KIF20B: variants seen among roughly 807,000 people sequenced by gnomAD.
The protein encoded by KIF20B is kinesin-like protein KIF20B.
In KIF20B, 188 loss-of-function variants were observed where a neutral mutation model predicts 232.5. The ratio of observed to expected loss-of-function variants is 0.81; its 90% confidence interval spans 0.72 to 0.91. The LOEUF (loss-of-function observed/expected upper bound fraction) is 0.91. Among genes scored for constraint, KIF20B ranks in the 40% least tolerant of loss-of-function variants. The probability of loss-of-function intolerance (pLI) is 0.00; values close to 1 mark genes in which losing one functional copy is unlikely to be tolerated. For synonymous variants in KIF20B, 712 were observed against 683.0 expected, an observed-to-expected ratio of 1.04 and a Z score of -0.66; for missense variants, 2,154 against 2,055.9, an observed-to-expected ratio of 1.05 and a Z score of -0.92.
intron 32 of KIF20B, 81 bp downstream of exon 32, chr10:89,772,912 C>A (rs1842494467): frequency 2.4e-6 from 3 of 1,230,104 alleles, no homozygotes; most frequent in South Asian, 1.8e-5. Context: ...AATTTCAATT[C>A]TTTAGATCTC....
chr10:89,737,663 A>G lies in KIF20B; in HGVS notation c.2822A>G (p.Asp941Gly), dbSNP rs1311512445. The G allele has an allele frequency of 2.5e-6, 4 of 1,612,592 alleles. No individual in the cohort carries two copies. The East Asian group carries it at 6.7e-5, about 27-fold the overall frequency. Reference sequence around the variant, plus strand: ...GTCCAACAAATTCAGTCAAATTATGATATTGCAATTGCTGAATTACATGTG... The same window carrying G: ...GTCCAACAAATTCAGTCAAATTATGGTATTGCAATTGCTGAATTACATGTG... ...KEVQQIQSNY[D>G]IAIAELHVQK... The change falls in exon 20 of 33, where the codon GAT (aspartate) becomes GGT (glycine). Residue 941 changes from aspartate to glycine, a missense_variant. By Grantham distance (94) the Asp-to-Gly change is moderately conservative (BLOSUM62 -1). Coordinates refer to ENST00000371728, the MANE Select transcript of KIF20B (RefSeq NM_001284259.2).
chr10:89,733,884 A>G (rs1463184026), intron 19 of KIF20B, among the ~76,000 whole-genome samples: 2 of 152,230 alleles, frequency 1.3e-5, no homozygotes, highest in Non-Finnish European at 2.9e-5. Flanking sequence ...GCTTCCCAAG[A>G]ACATTTAGAC....
chr10:89,746,086 C>T (rs1275754280), intron 23 of KIF20B, 127 bp downstream of exon 23: 16 of 681,446 alleles, frequency 2.3e-5, no homozygotes, highest in Middle Eastern at 3.8e-4. Context: ...AGCATGCAGA[C>T]GGGCAGGTCT....
chr10:89,739,781 G>T (rs1479766152), intron 21 of KIF20B, among the ~76,000 whole-genome samples: 1 of 151,186 alleles, frequency 6.6e-6, no homozygotes, highest in African/African-American at 2.4e-5. Context: ...ACTGAATGTT[G>T]TGTTTATCTA....
intron 18 of KIF20B, among the ~76,000 whole-genome samples, chr10:89,731,278 A>G (rs1843312604): frequency 6.6e-6 from 1 of 152,238 alleles, no homozygotes; most frequent in Non-Finnish European, 1.5e-5. Flanking sequence ...TTTGCATACC[A>G]TAATATATTA....
chr10:89,752,183 T>C (rs750356711), intron 24 of KIF20B, among the ~76,000 whole-genome samples: 1 of 152,122 alleles, frequency 6.6e-6, no homozygotes, highest in Non-Finnish European at 1.5e-5. Context: ...ATTATAACTG[T>C]ATTTTGGTGG....
Position 89,753,902 on chromosome 10 carries a change from G to A in KIF20B, c.4348-616G>A, listed in dbSNP as rs114089793. Among the ~76,000 whole-genome samples the A allele has an allele frequency of 3.0e-3, 458 of 152,190 alleles. 3 individuals are homozygous for A. Among genetic ancestry groups the A allele is most frequent in the African/African-American group, 0.01 (428 of 41,528 alleles). ...CAAACTGCTGGAATTACGGGCGTGA[G>A]CCACCGCACCCAGCCTAGAAGTTTT... On this transcript the variant is annotated intron_variant, in intron 25 of 32. Transcript: ENST00000371728.
chr10:89,748,897 A>G (rs1841971953), intron 23 of KIF20B, among the ~76,000 whole-genome samples: 1 of 151,580 alleles, frequency 6.6e-6, no homozygotes, highest in African/African-American at 2.4e-5. Flanking sequence ...GTCACTTGTA[A>G]CCTACATATG....
chr10:89,737,668 G>A lies in KIF20B; in HGVS notation c.2827G>A (p.Ala943Thr). The change falls in exon 20 of 33, where the codon GCA becomes ACA. Residue 943 changes from alanine to threonine, a missense_variant. Physicochemically the swap from Ala to Thr is moderately conservative, Grantham distance 58. Transcript: ENST00000371728. ...ACAAATTCAGTCAAATTATGATATT[G>A]CAATTGCTGAATTACATGTGCAGAA... is the stretch of plus-strand genomic sequence containing the variant. ...VQQIQSNYDIAIAELHVQKSK... is the reference protein window; with the variant it reads ...VQQIQSNYDITIAELHVQKSK... 6.2e-7 allele frequency: 1 copy of A among 1,612,640 alleles called. No individual in the cohort carries two copies. The highest frequency in any genetic ancestry group is 8.5e-7 in the Non-Finnish European group (1 of 1,179,030).
intron 12 of KIF20B, among the ~76,000 whole-genome samples, 174 bp from the exon 13 acceptor site, chr10:89,719,245 T>G (rs1012333870): frequency 6.6e-6 from 1 of 152,210 alleles, no homozygotes; most frequent in Non-Finnish European, 1.5e-5. Flanking sequence ...TGTAAGTAGC[T>G]TTTTTCCTAT....
At chr10:89,724,553 C>G (rs927167221) in intron 14 of KIF20B, among the ~76,000 whole-genome samples, 1 of 152,044 alleles carries the variant, frequency 6.6e-6, no homozygotes, top group African/African-American at 2.4e-5. Context: ...AAGAATATAG[C>G]TGTAACTAAT....
chr10:89,721,797 A>T (rs1023483537), intron 13 of KIF20B, among the ~76,000 whole-genome samples: 1 of 152,084 alleles, frequency 6.6e-6, no homozygotes, highest in Non-Finnish European at 1.5e-5. Flanking sequence ...ATAGTTTATG[A>T]TGGATTATAT....
chr10:89,709,661 A>G (rs569918715), intron 4 of KIF20B, among the ~76,000 whole-genome samples, 200 bp downstream of exon 4: 1 of 151,404 alleles, frequency 6.6e-6, no homozygotes, highest in African/African-American at 2.4e-5. Context: ...AGTTATTATT[A>G]CTATATTTTT....
intron 6 of KIF20B, among the ~76,000 whole-genome samples, chr10:89,712,963 G>C (rs933263518): frequency 1.5e-4 from 23 of 152,246 alleles, no homozygotes; most frequent in Admixed American, 3.9e-4. Flanking sequence ...TTGAGTCTGT[G>C]ACTATGGTCT....
intron 26 of KIF20B, among the ~76,000 whole-genome samples, chr10:89,754,978 T>C (rs1202714827): frequency 6.6e-6 from 1 of 152,242 alleles, no homozygotes; most frequent in Admixed American, 6.5e-5. Context: ...TTTAAAACTT[T>C]CTGCATTTTG....
At position 89,774,285 on chromosome 10, in the gene KIF20B, A is replaced by G. The variant is rs1842525080; in HGVS notation, c.*237A>G. On this transcript the variant is annotated 3_prime_UTR_variant, in exon 33 of 33. Coordinates refer to ENST00000371728, the MANE Select transcript of KIF20B (RefSeq NM_001284259.2). The stretch of plus-strand genomic sequence containing the variant: ...TCCCTATTATCTCAGACATTGGATC[A>G]GTGAAGATCCTAGGAAAGAGGCTGT... 7.1e-6 allele frequency: 2 copies of G among 282,930 alleles called. No homozygotes were observed. Among genetic ancestry groups the G allele is most frequent in the Non-Finnish European group, 1.3e-5 (2 of 152,516 alleles). 17.5% of individuals were successfully genotyped at this position (282,930 alleles called of 1,614,324 possible). A position where few individuals can be genotyped will look rare whatever the true frequency, so the allele number is the denominator to read the frequency against.
At chr10:89,718,942 T>A in intron 12 of KIF20B, 70 bp downstream of exon 12, 1 of 948,662 alleles carries the variant, frequency 1.1e-6, no homozygotes, top group Non-Finnish European at 1.5e-6. Flanking sequence ...AAATATTTTT[T>A]ACTTAATACT....
chr10:89,756,474 T>A (rs1842120078), intron 26 of KIF20B, among the ~76,000 whole-genome samples: 1 of 152,224 alleles, frequency 6.6e-6, no homozygotes, highest in Non-Finnish European at 1.5e-5. Context: ...TATGTTTCTT[T>A]ATAATCATAC....
Position 89,711,146 on chromosome 10 carries a change from G to C in KIF20B, c.675+1G>C. 6.6e-7 allele frequency: 1 copy of C among 1,517,156 alleles called. No individual in the cohort carries two copies. Among genetic ancestry groups the C allele is most frequent in the South Asian group, 1.3e-5 (1 of 77,352 alleles). The allele number at this position is 1,517,156 out of a possible 1,614,324, so 94.0% of individuals were successfully genotyped here. On this transcript the variant is annotated splice_donor_variant, in intron 6 of 32. Transcript: ENST00000371728. LOFTEE classifies it high-confidence loss of function. Reference sequence around the variant, plus strand: ...TGCATTGCTTCGGCAAATTAAAGAGGTATGGAAATATTTTAGTATGTAAAA... The same window carrying C: ...TGCATTGCTTCGGCAAATTAAAGAGCTATGGAAATATTTTAGTATGTAAAA...
Sources: allele counts gnomAD v4.1 joint callset (sites outside exome capture counted in the v4.1 genomes callset), GRCh38; gene constraint gnomAD v4.1.1; transcripts MANE v1.5; gene names NCBI Gene and HGNC (gene_info 2026-07-23, HGNC 2026-07-21).